The following SNX29 variants were observed in gnomAD, a reference collection of about 807,000 sequenced individuals.
SNX29 encodes the protein sorting nexin-29.
In SNX29, 78 loss-of-function variants were observed where a neutral mutation model predicts 102.1. The ratio of observed to expected loss-of-function variants is 0.76; its 90% CI spans 0.64 to 0.92. The LOEUF is 0.92. Ranked by LOEUF, SNX29 falls within the 40% of genes least tolerant of loss-of-function variation. The probability of loss-of-function intolerance (pLI) is 0.00; values close to 1 mark genes in which losing one functional copy is unlikely to be tolerated. For synonymous variants in SNX29, 580 were observed against 414.5 expected (o/e 1.40, Z -4.85); for missense variants, 1,280 against 1,061.7 (o/e 1.21, Z -2.86).
intron 16 of SNX29, among the ~76,000 whole-genome samples, chr16:12,357,010 A>G (rs2082154287): frequency 6.6e-6 from 1 of 152,222 alleles, no homozygotes; most frequent in South Asian, 2.1e-4. Flanking sequence ...ATAGCACAAT[A>G]TTTTGGATTC....
intron 14 of SNX29, among the ~76,000 whole-genome samples, chr16:12,230,001 C>T (rs144889218): frequency 6.6e-6 from 1 of 152,224 alleles, no homozygotes; most frequent in African/African-American, 2.4e-5. Context: ...CACAACTGCT[C>T]AGCTCTGCTG....
chr16:12,264,028 C>A (rs962304522), intron 14 of SNX29, among the ~76,000 whole-genome samples: 6 of 152,228 alleles, frequency 3.9e-5, no homozygotes, highest in African/African-American at 1.4e-4. Flanking sequence ...CTGATTGATT[C>A]AGCTCTTCCT....
At chr16:12,523,464 G>A (rs901370371) in intron 19 of SNX29, among the ~76,000 whole-genome samples, 5 of 152,170 alleles carry the variant, frequency 3.3e-5, no homozygotes, top group South Asian at 2.1e-4. Flanking sequence ...GCCTTGTCCC[G>A]GCCCCGATGC....
At chr16:12,037,234 A>C (rs890716816) in intron 4 of SNX29, among the ~76,000 whole-genome samples, 34 of 152,310 alleles carry the variant, frequency 2.2e-4, no homozygotes, top group African/African-American at 7.9e-4. Flanking sequence ...ATATGGGAGC[A>C]AATGGGTGTG....
chr16:12,500,848 G>A (rs114535100), intron 19 of SNX29, among the ~76,000 whole-genome samples: 1 of 152,174 alleles, frequency 6.6e-6, no homozygotes, highest in African/African-American at 2.4e-5. Flanking sequence ...TATCAGATTG[G>A]ACCCTTCCAA....
chr16:12,384,282 T>A (rs2083275552), intron 16 of SNX29, among the ~76,000 whole-genome samples: 1 of 152,232 alleles, frequency 6.6e-6, no homozygotes, highest in African/African-American at 2.4e-5. Context: ...TTTTAGTTTT[T>A]TGAGAAACGT....
chr16:12,202,646 G>A (rs1051533504), intron 14 of SNX29, among the ~76,000 whole-genome samples: 6 of 152,224 alleles, frequency 3.9e-5, no homozygotes, highest in African/African-American at 1.4e-4. Context: ...AGCCAGTGTA[G>A]GGAAGTTTCA....
chr16:12,205,201 C>G (rs531386735), intron 14 of SNX29, among the ~76,000 whole-genome samples: 129 of 152,300 alleles, frequency 8.5e-4, no homozygotes, highest in African/African-American at 3.0e-3. Flanking sequence ...TTGCAGGCTT[C>G]TGAACCATTG....
chr16:12,226,983 AATCT>A (rs1470749710), intron 14 of SNX29, among the ~76,000 whole-genome samples: 1 of 152,152 alleles, frequency 6.6e-6, no homozygotes, highest in Non-Finnish European at 1.5e-5. Context: ...ACCGGATTTG[AATCT>A]ATCTTTGAAA....
chr16:12,163,293 G>A (rs1001952458), intron 13 of SNX29, among the ~76,000 whole-genome samples: 5 of 152,210 alleles, frequency 3.3e-5, no homozygotes, highest in Non-Finnish European at 5.9e-5. Flanking sequence ...GAACACTGGA[G>A]CTGCGTCTGG....
At chr16:12,165,656 G>A (rs955091853) in intron 13 of SNX29, among the ~76,000 whole-genome samples, 3 of 152,214 alleles carry the variant, frequency 2.0e-5, no homozygotes, top group African/African-American at 4.8e-5. Context: ...TGCCTCCCAG[G>A]TTCAAGCAGT....
rs1473862388 is a variant in SNX29, at chr16:12,467,223, G to A, written c.2038-10496G>A. Among the ~76,000 whole-genome samples, 4 of 152,198 alleles carry A rather than the reference G, an allele frequency of 2.6e-5. No homozygotes were observed. In the East Asian group the frequency reaches 7.7e-4, roughly 29 times the overall value. On this transcript the variant is annotated intron_variant, in intron 18 of 20. Coordinates refer to ENST00000566228, the MANE Select transcript of SNX29 (RefSeq NM_032167.5). Reference sequence around the variant, plus strand: ...AGTAAAAGTGAATGGGCCAACCATGGTCCATGGCCAGTAGTGCTAAAAATA... The same window carrying A: ...AGTAAAAGTGAATGGGCCAACCATGATCCATGGCCAGTAGTGCTAAAAATA...
intron 18 of SNX29, among the ~76,000 whole-genome samples, chr16:12,469,619 C>T (rs984963855): frequency 1.3e-5 from 2 of 152,204 alleles, no homozygotes; most frequent in Admixed American, 6.5e-5. Context: ...TTAGGGGCAG[C>T]ATTCACTGAA....
At chr16:12,181,767 G>A (rs990966920) in intron 13 of SNX29, among the ~76,000 whole-genome samples, 4 of 152,068 alleles carry the variant, frequency 2.6e-5, no homozygotes, top group African/African-American at 4.8e-5. Context: ...TGTGTTCTAC[G>A]CAGATACCAT....
intron 18 of SNX29, among the ~76,000 whole-genome samples, chr16:12,444,183 T>A (rs1275217204): frequency 6.6e-6 from 1 of 152,022 alleles, no homozygotes; most frequent in Non-Finnish European, 1.5e-5. Flanking sequence ...AAGCACTCAA[T>A]ATAGCACCTA....
chr16:12,230,568 T>A (rs1413971847), intron 14 of SNX29, among the ~76,000 whole-genome samples: 1 of 152,212 alleles, frequency 6.6e-6, no homozygotes, highest in Non-Finnish European at 1.5e-5. Flanking sequence ...GAAATGCCAA[T>A]GTATTTTGAG....
chr16:12,081,588 C>T (rs2051882419), intron 11 of SNX29: 1 of 144,824 alleles, frequency 6.9e-6, no homozygotes. Context: ...AAGAGAATTG[C>T]TTAAACCCCG....
intron 13 of SNX29, among the ~76,000 whole-genome samples, chr16:12,147,341 TAAAA>T (rs1291217159): frequency 6.6e-6 from 1 of 151,366 alleles, no homozygotes; most frequent in Non-Finnish European, 1.5e-5. Flanking sequence ...CAGGAGGAAA[TAAAA>T]AAAAATTACC....
intron 13 of SNX29, among the ~76,000 whole-genome samples, chr16:12,137,064 G>A (rs770760646): frequency 1.3e-5 from 2 of 152,192 alleles, no homozygotes; most frequent in African/African-American, 2.4e-5. Flanking sequence ...TAGCGGGCAT[G>A]TTATGGCTAA....
Sources: allele counts gnomAD v4.1 joint callset (sites outside exome capture counted in the v4.1 genomes callset), GRCh38; gene constraint gnomAD v4.1.1; transcripts MANE v1.5; gene names NCBI Gene and HGNC (gene_info 2026-07-23, HGNC 2026-07-21).